EZH2: variants seen among roughly 807,000 people sequenced by gnomAD.
EZH2 encodes the protein enhancer of zeste 2 polycomb repressive complex 2 subunit.
Under a neutral mutation model 98.4 loss-of-function variants are expected in EZH2, and 18 were observed. The observed-to-expected ratio is 0.18, with a 90% CI of 0.13 to 0.27. EZH2 has a LOEUF of 0.27. Among genes scored for constraint, EZH2 ranks in the 10% least tolerant of loss-of-function variants. The probability of loss-of-function intolerance (pLI) is 1.00; values close to 1 mark genes in which losing one functional copy is unlikely to be tolerated. For missense variants in EZH2, 470 were observed against 935.1 expected (o/e 0.50, Z 6.49); for synonymous variants, 338 against 312.3 (o/e 1.08, Z -0.87).
intron 3 of EZH2, among the ~76,000 whole-genome samples, chr7:148,842,373 A>G (rs1812676328): frequency 6.6e-6 from 1 of 152,228 alleles, no homozygotes; most frequent in Admixed American, 6.5e-5. Flanking sequence ...GTAACTCTTA[A>G]ACCAGTTTCT....
chr7:148,878,353 G>C (rs551076803), intron 1 of EZH2, among the ~76,000 whole-genome samples: 138 of 152,172 alleles, frequency 9.1e-4, no homozygotes, highest in African/African-American at 3.2e-3. Flanking sequence ...ATATAAATGA[G>C]ATCATACAAT....
rs749422600 is a variant in EZH2 at position 148,811,613 on chromosome 7, T to TC, written c.1947+11dup. 22 of 1,605,902 alleles carry TC rather than the reference T, an allele frequency of 1.4e-5. No individual in the cohort carries two copies. The highest frequency in any genetic ancestry group is 2.2e-5 in the South Asian group (2 of 90,820). On this transcript the variant is annotated intron_variant, in intron 16 of 19. Transcript: ENST00000320356. The stretch of plus-strand genomic sequence containing the variant: ...TACAATGCCACCTGAATACAGGTTA[T>TC]CAGTGCCTTACCTCTCCACAGTATT...
At chr7:148,840,096 T>C (rs911059228) in intron 3 of EZH2, among the ~76,000 whole-genome samples, 11 of 152,094 alleles carry the variant, frequency 7.2e-5, no homozygotes, top group African/African-American at 2.7e-4. Flanking sequence ...AAACAGCTGG[T>C]GGGGGTGTAA....
At chr7:148,822,396 G>T (rs1039413130) in intron 8 of EZH2, among the ~76,000 whole-genome samples, 1 of 151,834 alleles carries the variant, frequency 6.6e-6, no homozygotes, top group African/African-American at 2.4e-5. Context: ...TGTAGTCCCA[G>T]CTACTCCAGA....
intron 1 of EZH2, chr7:148,883,054 C>T (rs1002895522): frequency 1.2e-4 from 18 of 152,220 alleles, no homozygotes; most frequent in African/African-American, 3.9e-4. Flanking sequence ...CCTCATTCAA[C>T]CCGTCGGGAT....
intron 5 of EZH2, among the ~76,000 whole-genome samples, chr7:148,829,152 C>T (rs989166783): frequency 2.0e-5 from 3 of 152,186 alleles, no homozygotes; most frequent in African/African-American, 4.8e-5. Flanking sequence ...CTGATTGTGG[C>T]TTTGGCCTCC....
chr7:148,851,213 A>G (rs1815671661), intron 1 of EZH2, among the ~76,000 whole-genome samples: 2 of 152,130 alleles, frequency 1.3e-5, no homozygotes, highest in Non-Finnish European at 2.9e-5. Context: ...GCACCCTATT[A>G]TCAAGAAACC....
intron 5 of EZH2, 51 bp downstream of exon 5, chr7:148,829,677 G>C (rs753005698): frequency 1.3e-6 from 2 of 1,582,662 alleles, no homozygotes; most frequent in African/African-American, 2.7e-5. Context: ...AAACAAAAGT[G>C]TCTCTCAATT....
chr7:148,823,832 C>A (rs1806887015), intron 8 of EZH2, among the ~76,000 whole-genome samples: 1 of 151,928 alleles, frequency 6.6e-6, no homozygotes, highest in African/African-American at 2.4e-5. Context: ...CATATTAATA[C>A]TTTTTGGAAA....
intron 4 of EZH2, 33 bp downstream of exon 4, chr7:148,832,601 A>C (rs779812559): frequency 6.3e-6 from 7 of 1,118,208 alleles, no homozygotes; most frequent in Admixed American, 2.0e-5. Flanking sequence ...ATAAGTTATT[A>C]TCAAATAAGC....
At chr7:148,816,411 G>C (rs1344667455) in intron 12 of EZH2, among the ~76,000 whole-genome samples, 1 of 152,188 alleles carries the variant, frequency 6.6e-6, no homozygotes, top group Non-Finnish European at 1.5e-5. Context: ...TACTGCAAAA[G>C]CTACTAAATA....
At chr7:148,824,330 C>A (rs934624535) in intron 8 of EZH2, among the ~76,000 whole-genome samples, 10 of 142,776 alleles carry the variant, frequency 7.0e-5, no homozygotes, top group African/African-American at 1.0e-4. Context: ...AAAAAAAAAA[C>A]AACAACAACA....
At chr7:148,808,192 C>A (rs1392456093) in intron 19 of EZH2, among the ~76,000 whole-genome samples, 1 of 152,174 alleles carries the variant, frequency 6.6e-6, no homozygotes, top group African/African-American at 2.4e-5. Context: ...AGAAGCCCAC[C>A]ATGGGGGGTG....
At chr7:148,843,086 TAATCCC>T (rs1473887390) in intron 3 of EZH2, among the ~76,000 whole-genome samples, 1 of 151,638 alleles carries the variant, frequency 6.6e-6, no homozygotes, top group African/African-American at 2.4e-5. Flanking sequence ...CATATGCCTG[TAATCCC>T]AGCTACTCAG....
rs1453771389 is a variant in EZH2 at position 148,846,909 on chromosome 7, T to A, written c.117+273A>T. Among the ~76,000 whole-genome samples, 4 of 149,198 alleles carry A rather than the reference T, an allele frequency of 2.7e-5. No individual in the cohort carries two copies. The South Asian group carries it at 6.3e-4, about 24-fold the overall frequency. ...ATTTTTTTTTTTAATCACAATGACT[T>A]TAGAAACATAAAATCATGAAATGCA... On this transcript the variant is annotated intron_variant, in intron 2 of 19. Transcript: ENST00000320356.
chr7:148,840,025 T>C (rs1171441105), intron 3 of EZH2, among the ~76,000 whole-genome samples: 4 of 152,078 alleles, frequency 2.6e-5, no homozygotes, highest in Admixed American at 2.0e-4. Context: ...GTTTTACCTA[T>C]TGGACTGAAG....
At chr7:148,811,924 A>G (rs1018345836) in intron 15 of EZH2, 24 of 525,022 alleles carry the variant, frequency 4.6e-5, no homozygotes, top group African/African-American at 1.5e-4. Flanking sequence ...TATACAGCAG[A>G]TAAGAATCTC....
intron 13 of EZH2, among the ~76,000 whole-genome samples, 158 bp downstream of exon 13, chr7:148,815,348 G>A (rs978180365): frequency 2.6e-5 from 4 of 152,180 alleles, no homozygotes; most frequent in African/African-American, 9.6e-5. Context: ...AATTGACTGG[G>A]GATTCATCAG....
chr7:148,849,354 T>C (rs1815072881), intron 1 of EZH2, among the ~76,000 whole-genome samples: 1 of 152,144 alleles, frequency 6.6e-6, no homozygotes, highest in Non-Finnish European at 1.5e-5. Flanking sequence ...AAGAGAAAGC[T>C]GGACAGGGGG....
Sources: gnomAD v4.1 joint callset for allele counts (sites outside exome capture counted in the v4.1 genomes callset) on GRCh38, gnomAD v4.1.1 for gene constraint, MANE v1.5 for transcripts, NCBI Gene and HGNC (gene_info 2026-07-23, HGNC 2026-07-21) for gene names.